The following FLNB variants were observed in gnomAD, a reference collection of about 807,000 sequenced individuals.
FLNB encodes filamin-B.
In FLNB, 111 loss-of-function variants were observed where a neutral mutation model predicts 250.6. The ratio of observed to expected loss-of-function variants is 0.44; its 90% CI spans 0.38 to 0.52. The LOEUF (loss-of-function observed/expected upper bound fraction) is 0.52. Among genes scored for constraint, FLNB ranks in the 20% least tolerant of loss-of-function variants. The pLI is 0.00. For missense variants in FLNB, 2,869 were observed against 3,447.8 expected (o/e 0.83, Z 4.20); for synonymous variants, 1,302 against 1,372.1 (o/e 0.95, Z 1.13).
Position 58,142,633 on chromosome 3 carries a change from C to A in FLNB, c.5182-17C>A. On this transcript the variant is annotated splice_polypyrimidine_tract_variant and intron_variant, in intron 30 of 45. Coordinates refer to ENST00000295956, the MANE Select transcript of FLNB (RefSeq NM_001457.4). This position sits in a 1 kb window ranked among gnomAD's most constrained non-coding sequence, Gnocchi z 4.3. Reference sequence around the variant, plus strand: ...TGTTGTCTGCTTTACCCAGTGACCACTGCCTTCTGTTTTTAGGTGACCGAA... The same window carrying A: ...TGTTGTCTGCTTTACCCAGTGACCAATGCCTTCTGTTTTTAGGTGACCGAA... The A allele has an allele frequency of 6.2e-7, 1 of 1,605,228 alleles. No homozygotes were observed. The highest frequency in any genetic ancestry group is 8.5e-7 in the Non-Finnish European group (1 of 1,172,236).
intron 32 of FLNB, 83 bp downstream of exon 32, chr3:58,143,696 A>G: frequency 6.5e-7 from 1 of 1,543,832 alleles, no homozygotes; most frequent in East Asian, 2.3e-5. Flanking sequence ...GCCGCTTTGC[A>G]GGGAGCAGCT....
intron 1 of FLNB, among the ~76,000 whole-genome samples, chr3:58,039,058 C>T (rs138214934): frequency 0.015 from 2,174 of 147,056 alleles, 27 homozygotes; most frequent in South Asian, 0.022. Context: ...GACAAGATCT[C>T]GCTCTGTCAC....
At chr3:58,154,992 CAGAAAT>C in intron 40 of FLNB, 64 bp downstream of exon 40, 1 of 1,534,068 alleles carries the variant, frequency 6.5e-7, no homozygotes, top group Non-Finnish European at 9.0e-7. Context: ...TTGCAAGGAA[CAGAAAT>C]CCATCAAGTT....
intron 20 of FLNB, among the ~76,000 whole-genome samples, chr3:58,122,186 A>C (rs984975392): frequency 5.5e-5 from 8 of 146,430 alleles, no homozygotes; most frequent in Non-Finnish European, 1.1e-4. Context: ...AAAAAAAAAA[A>C]ACCACAAAAA....
At position 58,146,996 on chromosome 3, in the gene FLNB, A is replaced by G; in HGVS notation, c.5728+3A>G. 1 of 1,613,696 alleles carries G rather than the reference A, an allele frequency of 6.2e-7. No homozygotes were observed. The highest frequency in any genetic ancestry group is 8.5e-7 in the Non-Finnish European group (1 of 1,179,978). ...CCCCTTCACAGCCAAGATCACAGGT[A>G]GGGTTGTCTGGCTTCTGGGGTCTTC... On this transcript the variant is annotated splice_donor_region_variant and intron_variant, in intron 34 of 45. Transcript: ENST00000295956.
chr3:58,119,123 T>G (rs1290904275), intron 19 of FLNB, 134 bp downstream of exon 19: 1 of 765,212 alleles, frequency 1.3e-6, no homozygotes, highest in African/African-American at 1.7e-5. Context: ...GCACAGACTT[T>G]GGTTCGAATT....
At chr3:58,015,228 T>A (rs947022883) in intron 1 of FLNB, among the ~76,000 whole-genome samples, 1 of 152,256 alleles carries the variant, frequency 6.6e-6, no homozygotes, top group African/African-American at 2.4e-5. Flanking sequence ...AAATAGTTGC[T>A]ATCTTAGAGT....
intron 1 of FLNB, among the ~76,000 whole-genome samples, chr3:58,037,304 A>C (rs1467798556): frequency 6.6e-6 from 1 of 152,130 alleles, no homozygotes; most frequent in African/African-American, 2.4e-5. Context: ...ACCTCAGGCC[A>C]TCCGCTCGCT....
intron 21 of FLNB, 76 bp downstream of exon 21, chr3:58,123,766 G>A: frequency 7.8e-7 from 1 of 1,278,304 alleles, no homozygotes; most frequent in Non-Finnish European, 1.1e-6. Context: ...ACTTGGAGCT[G>A]CAAACTCAGC....
At chr3:58,136,809 T>G (rs982207106) in intron 28 of FLNB, among the ~76,000 whole-genome samples, 1 of 142,340 alleles carries the variant, frequency 7.0e-6, no homozygotes, top group Non-Finnish European at 1.5e-5. Flanking sequence ...TGGAGTGCAG[T>G]GACGCAATCT....
intron 4 of FLNB, among the ~76,000 whole-genome samples, chr3:58,083,212 C>CT (rs2097211685): frequency 7.0e-6 from 1 of 143,282 alleles, no homozygotes; most frequent in South Asian, 2.3e-4. Flanking sequence ...TCTTTAGACT[C>CT]TTTTCATGCT....
At chr3:58,159,433 A>G in intron 41 of FLNB, 121 bp from the exon 42 acceptor site, 1 of 982,116 alleles carries the variant, frequency 1.0e-6, no homozygotes, top group South Asian at 1.3e-5. Flanking sequence ...TTGTTGTCAT[A>G]TGTTATATAG....
intron 20 of FLNB, among the ~76,000 whole-genome samples, chr3:58,122,195 A>T (rs1367981149): frequency 6.7e-6 from 1 of 149,776 alleles, no homozygotes; most frequent in Non-Finnish European, 1.5e-5. Context: ...AAACCACAAA[A>T]AAAAACATTA....
chr3:58,166,652 C>G (rs1325545134), intron 43 of FLNB, among the ~76,000 whole-genome samples: 1 of 151,996 alleles, frequency 6.6e-6, no homozygotes, highest in Non-Finnish European at 1.5e-5. Flanking sequence ...AAAACCCCAT[C>G]TCTACAAAAA....
intron 1 of FLNB, among the ~76,000 whole-genome samples, chr3:58,044,175 T>C (rs954044714): frequency 1.3e-5 from 2 of 152,154 alleles, no homozygotes; most frequent in Non-Finnish European, 2.9e-5. Flanking sequence ...GGCTGGGCCC[T>C]TTAAGACAAA....
chr3:58,115,754 A>T (rs1353219649), intron 18 of FLNB, among the ~76,000 whole-genome samples: 1 of 150,548 alleles, frequency 6.6e-6, no homozygotes, highest in South Asian at 2.1e-4. Flanking sequence ...GTTGCCACCA[A>T]GTGGCAACAT....
chr3:58,017,490 T>A (rs988835012), intron 1 of FLNB, among the ~76,000 whole-genome samples: 24 of 152,138 alleles, frequency 1.6e-4, no homozygotes, highest in African/African-American at 5.8e-4. Flanking sequence ...CGATCTCAGG[T>A]GATCCGCCCG....
chr3:58,081,658 G>A lies in FLNB; in HGVS notation c.669G>A (p.Pro223=), dbSNP rs140815373. Residue 223 remains proline (P), a synonymous_variant, in exon 4 of 46, where the codon CCG becomes CCA. Coordinates refer to ENST00000295956, the MANE Select transcript of FLNB (RefSeq NM_001457.4). The part of the protein sequence containing the change: ...QVITPEEIIH[P]DVDEHSVMTY... Reference sequence around the variant, plus strand: ...TCACTCCTGAAGAAATCATTCACCCGGATGTGGACGAGCACTCAGTTATGA... The same window carrying A: ...TCACTCCTGAAGAAATCATTCACCCAGATGTGGACGAGCACTCAGTTATGA... 2,150 of 1,614,010 alleles carry A rather than the reference G, an allele frequency of 1.3e-3. 8 individuals are homozygous for A. The African/African-American group carries it at 0.015, about 11-fold the overall frequency.
At chr3:58,128,434 G>A (rs192291913) in intron 24 of FLNB, among the ~76,000 whole-genome samples, 6 of 152,282 alleles carry the variant, frequency 3.9e-5, no homozygotes, top group Admixed American at 3.9e-4. Context: ...TAGTCTAGGG[G>A]ACTTCAGCTG....
Sources: allele counts gnomAD v4.1 joint callset (sites outside exome capture counted in the v4.1 genomes callset), GRCh38; gene constraint gnomAD v4.1.1; non-coding constraint Gnocchi (gnomAD v3.1); transcripts MANE v1.5; gene names NCBI Gene and HGNC (gene_info 2026-07-23, HGNC 2026-07-21).